Variants in RAP1GAP2 observed in about 807,000 individuals in gnomAD.
RAP1GAP2 encodes the protein RAP1 GTPase activating protein 2, also known as rap1 GTPase-activating protein 2.
Under a neutral mutation model 95.0 loss-of-function variants are expected in RAP1GAP2, and 27 were observed. That is an observed-to-expected ratio of 0.28 (90% CI 0.21 to 0.39). The LOEUF is 0.39. Ranked by LOEUF, RAP1GAP2 falls within the 10% of genes least tolerant of loss-of-function variation. RAP1GAP2 has a pLI of 1.00. For synonymous variants in RAP1GAP2, 373 were observed against 380.9 expected (o/e 0.98, Z 0.24); for missense variants, 771 against 970.0 (o/e 0.79, Z 2.72).
chr17:2,803,477 C>A (rs1157806584), intron 2 of RAP1GAP2, among the ~76,000 whole-genome samples: 1 of 152,214 alleles, frequency 6.6e-6, no homozygotes, highest in Admixed American at 6.5e-5. Context: ...AAAATCCCAG[C>A]TGGCTTCTTT....
At chr17:2,966,821 T>A (rs2044619811) in intron 8 of RAP1GAP2, among the ~76,000 whole-genome samples, 1 of 152,142 alleles carries the variant, frequency 6.6e-6, no homozygotes, top group East Asian at 1.9e-4. Context: ...GCTACCTTAA[T>A]AAAAATCAGA....
At chr17:2,921,658 AGGGCCGTTAAGGTGTCAG>A (rs2042777656) in intron 3 of RAP1GAP2, among the ~76,000 whole-genome samples, 1 of 149,380 alleles carries the variant, frequency 6.7e-6, no homozygotes, top group African/African-American at 2.5e-5. Context: ...ATGTGTCCTC[AGGGCCGTTAAGGTGTCAG>A]CAGGGCCGTT....
chr17:2,929,967 C>T (rs1597640728), intron 3 of RAP1GAP2, among the ~76,000 whole-genome samples: 2 of 152,330 alleles, frequency 1.3e-5, no homozygotes, highest in South Asian at 2.1e-4. Flanking sequence ...ACTCGTCACT[C>T]CCGGAGCCAC....
In RAP1GAP2 at chr17:2,768,491, A is replaced by G. The variant is rs1013878308; in HGVS notation, c.51-1838A>G. Among the ~76,000 whole-genome samples, 5 of 152,272 alleles carry G rather than the reference A, an allele frequency of 3.3e-5. No homozygotes were observed. In the South Asian group the frequency reaches 1.0e-3, roughly 32 times the overall value. Reference sequence around the variant, plus strand: ...CGGATCACCTGAGGTCAGCAGTTCCAGACCAGCCTGGCCAACATGGTGAAA... The same window carrying G: ...CGGATCACCTGAGGTCAGCAGTTCCGGACCAGCCTGGCCAACATGGTGAAA... On this transcript the variant is annotated intron_variant, in intron 1 of 25. Transcript: ENST00000637138.
At chr17:2,955,070 T>TTC (rs2044062164) in intron 3 of RAP1GAP2, among the ~76,000 whole-genome samples, 2 of 152,372 alleles carry the variant, frequency 1.3e-5, no homozygotes, top group South Asian at 4.1e-4. Flanking sequence ...CAAGAGTGAA[T>TTC]ACTGCAGTAG....
intron 10 of RAP1GAP2, among the ~76,000 whole-genome samples, chr17:2,982,548 C>T (rs906109762): frequency 6.6e-6 from 1 of 152,178 alleles, no homozygotes; most frequent in African/African-American, 2.4e-5. Flanking sequence ...CAGAGCCTTT[C>T]GTCTTCCACG....
intron 2 of RAP1GAP2, among the ~76,000 whole-genome samples, chr17:2,771,479 C>CTTTTTTGTTTTT (rs2068392777): frequency 1.5e-5 from 2 of 131,788 alleles, no homozygotes; most frequent in Non-Finnish European, 3.2e-5. Context: ...ATCAAAGCCA[C>CTTTTTTGTTTTT]TTTTTTGTTT....
At chr17:2,984,723 C>A (rs1433694921) in intron 10 of RAP1GAP2, among the ~76,000 whole-genome samples, 1 of 152,178 alleles carries the variant, frequency 6.6e-6, no homozygotes, top group East Asian at 1.9e-4. Context: ...CCTTGACTGG[C>A]ACATCTGGAT....
intron 2 of RAP1GAP2, among the ~76,000 whole-genome samples, chr17:2,803,575 T>C (rs2069389010): frequency 6.6e-6 from 1 of 152,212 alleles, no homozygotes; most frequent in Non-Finnish European, 1.5e-5. Flanking sequence ...CACTCATTCT[T>C]CCTGATTTCA....
intron 3 of RAP1GAP2, among the ~76,000 whole-genome samples, chr17:2,908,026 C>G (rs866097558): frequency 6.6e-6 from 1 of 151,886 alleles, no homozygotes; most frequent in Admixed American, 6.6e-5. Context: ...AGGCTGGTCT[C>G]GAACTCCTGA....
At chr17:2,802,796 A>G (rs1446748341) in intron 2 of RAP1GAP2, among the ~76,000 whole-genome samples, 4 of 152,072 alleles carry the variant, frequency 2.6e-5, no homozygotes, top group Non-Finnish European at 4.4e-5. Context: ...GCTCTTAGAG[A>G]TGAAGCAGGA....
intron 2 of RAP1GAP2, among the ~76,000 whole-genome samples, chr17:2,842,603 G>C (rs1357202546): frequency 1.3e-5 from 2 of 151,212 alleles, no homozygotes; most frequent in Non-Finnish European, 2.9e-5. Context: ...TAGTTTTGGA[G>C]CCCTCCCCTC....
intron 3 of RAP1GAP2, among the ~76,000 whole-genome samples, chr17:2,948,945 C>T (rs1299228752): frequency 6.6e-6 from 1 of 152,296 alleles, no homozygotes; most frequent in East Asian, 1.9e-4. Flanking sequence ...GGGAAAGATC[C>T]CTCAAGATTT....
At chr17:2,826,147 A>ATTTTTTTTTTTTTTTTTTTTT (rs71150901) in intron 2 of RAP1GAP2, among the ~76,000 whole-genome samples, 1 of 108,862 alleles carries the variant, frequency 9.2e-6, no homozygotes. Flanking sequence ...CGCCCAGCAA[A>ATTTTTTTTTTTTTTTTTTTTT]TTTTTTTTTT....
At chr17:2,796,081 A>G (rs990274403), upstream of RAP1GAP2, among the ~76,000 whole-genome samples, 2 of 151,832 alleles carry the variant, frequency 1.3e-5, no homozygotes, top group Non-Finnish European at 2.9e-5. The surrounding 1 kb of genome is among the most constrained non-coding windows in gnomAD (Gnocchi z 4.7). Context: ...AGCCCTCGGG[A>G]GTGGGTGTGA....
intron 1 of RAP1GAP2, among the ~76,000 whole-genome samples, chr17:2,799,272 G>A (rs1372550138): frequency 2.6e-5 from 4 of 152,188 alleles, no homozygotes; most frequent in African/African-American, 9.7e-5. Context: ...GACCAGTAGT[G>A]GAAGCCCTAA....
intron 2 of RAP1GAP2, among the ~76,000 whole-genome samples, chr17:2,851,898 A>C (rs2071865515): frequency 6.6e-6 from 1 of 152,072 alleles, no homozygotes. Context: ...CTTGACCTGA[A>C]CTAGCTCCCA....
chr17:2,795,899 G>T (rs2069065286), upstream of RAP1GAP2, among the ~76,000 whole-genome samples: 1 of 152,080 alleles, frequency 6.6e-6, no homozygotes, highest in Admixed American at 6.6e-5. Context: ...TGTGTACCTG[G>T]GTATCCTGGG....
intron 11 of RAP1GAP2, among the ~76,000 whole-genome samples, chr17:2,988,513 C>T (rs892765344): frequency 6.6e-6 from 1 of 152,282 alleles, no homozygotes; most frequent in East Asian, 1.9e-4. Flanking sequence ...TTCCAGTCAG[C>T]AAGATTAATC....
Sources: gnomAD v4.1 joint callset for allele counts (sites outside exome capture counted in the v4.1 genomes callset) on GRCh38, gnomAD v4.1.1 for gene constraint, Gnocchi (gnomAD v3.1) non-coding constraint, MANE v1.5 for transcripts, NCBI Gene and HGNC (gene_info 2026-07-23, HGNC 2026-07-21) for gene names.